Variants in KLF13 observed in about 807,000 individuals in gnomAD.
The protein encoded by KLF13 is KLF transcription factor 13, also known as Krueppel-like factor 13.
A neutral mutation model predicts 16.7 loss-of-function variants in KLF13; 8 were observed. The ratio of observed to expected loss-of-function variants is 0.48; its 90% CI spans 0.28 to 0.87. The LOEUF is 0.87. Among genes scored for constraint, KLF13 ranks in the 40% least tolerant of loss-of-function variants. The probability of loss-of-function intolerance (pLI) is 0.10; values close to 1 mark genes in which losing one functional copy is unlikely to be tolerated. For synonymous variants in KLF13, 245 were observed against 208.4 expected, an observed-to-expected ratio of 1.18 and a Z score of -1.51; for missense variants, 447 against 452.2, an observed-to-expected ratio of 0.99 and a Z score of 0.10.
chr15:31,352,564 C>T (rs1198059985), intron 1 of KLF13, among the ~76,000 whole-genome samples: 1 of 152,190 alleles, frequency 6.6e-6, no homozygotes, highest in East Asian at 1.9e-4. Flanking sequence ...CCTCTGGCTC[C>T]TGGCCCTGTG....
At chr15:31,404,928 T>TG (rs1178842709), downstream of KLF13, among the ~76,000 whole-genome samples, 14 of 152,170 alleles carry the variant, frequency 9.2e-5, no homozygotes, top group South Asian at 2.3e-3. Context: ...GAGAGAACAG[T>TG]GGGGGGAGCT....
upstream of KLF13, among the ~76,000 whole-genome samples, chr15:31,391,560 C>CATCTGGGG (rs1396514085): frequency 6.6e-6 from 1 of 152,114 alleles, no homozygotes; most frequent in African/African-American, 2.4e-5. Context: ...CCAGGAGCCC[C>CATCTGGGG]ATCTGGGGCC....
intron 1 of KLF13, among the ~76,000 whole-genome samples, chr15:31,363,296 G>T (rs2039417131): frequency 6.6e-6 from 1 of 152,182 alleles, no homozygotes; most frequent in South Asian, 2.1e-4. Context: ...TTTTATGAAT[G>T]GGCTTTGCCC....
intron 2 of KLF13, among the ~76,000 whole-genome samples, chr15:31,395,136 C>T (rs1434424494): frequency 6.6e-6 from 1 of 152,100 alleles, no homozygotes; most frequent in Non-Finnish European, 1.5e-5. Flanking sequence ...CCCGCCACCA[C>T]GCCCGGCTAA....
downstream of KLF13, among the ~76,000 whole-genome samples, chr15:31,378,662 G>C (rs1040301647): frequency 3.9e-5 from 6 of 152,176 alleles, no homozygotes; most frequent in Admixed American, 2.6e-4. Flanking sequence ...GTAGACCAGC[G>C]CTGCATCTGG....
At chr15:31,416,670 A>G (rs1004739796) in intron 1 of KLF13, among the ~76,000 whole-genome samples, 1 of 152,352 alleles carries the variant, frequency 6.6e-6, no homozygotes, top group Middle Eastern at 3.4e-3. Context: ...CATATCAAAT[A>G]TCATACTTAA....
chr15:31,337,063 C>T (rs1183905280), intron 1 of KLF13, among the ~76,000 whole-genome samples: 3 of 152,354 alleles, frequency 2.0e-5, no homozygotes, highest in African/African-American at 7.2e-5. Context: ...TCCAGACTTA[C>T]TGCCCCGTTG....
intron 2 of KLF13, among the ~76,000 whole-genome samples, chr15:31,400,130 T>C (rs115140051): frequency 8.9e-4 from 135 of 152,346 alleles, no homozygotes; most frequent in African/African-American, 3.2e-3. Flanking sequence ...AGACGAGTCC[T>C]ACTCCTGTTC....
intron 1 of KLF13, among the ~76,000 whole-genome samples, chr15:31,364,253 A>T (rs1470255285): frequency 2.0e-5 from 3 of 152,222 alleles, no homozygotes; most frequent in Non-Finnish European, 4.4e-5. Flanking sequence ...TGCCTACTTT[A>T]AAAAATATCT....
chr15:31,354,379 A>G (rs1325977183), intron 1 of KLF13, among the ~76,000 whole-genome samples: 1 of 152,018 alleles, frequency 6.6e-6, no homozygotes, highest in Non-Finnish European at 1.5e-5. Flanking sequence ...ATAGTTTTGT[A>G]ATTTTTGTTT....
At position 31,337,067 on chromosome 15, in the gene KLF13, C is replaced by T. The variant is rs577597130; in HGVS notation, c.577+9278C>T. 2.2e-4 allele frequency among the ~76,000 whole-genome samples: 34 copies of T among 152,318 alleles called. No individual in the cohort carries two copies. The South Asian group carries it at 7.0e-3, about 32-fold the overall frequency. ...CCTATCTGCTCTCCAGACTTACTGC[C>T]CCGTTGTCCTCACCTGCATGACTGT... On this transcript the variant is annotated intron_variant, in intron 1 of 1. Coordinates refer to ENST00000307145, the MANE Select transcript of KLF13 (RefSeq NM_015995.4).
chr15:31,417,188 T>C (rs1566845283), intron 1 of KLF13, among the ~76,000 whole-genome samples: 1 of 152,078 alleles, frequency 6.6e-6, no homozygotes, highest in Non-Finnish European at 1.5e-5. Flanking sequence ...GAGAAATAAA[T>C]TTCTTTTTAA....
At chr15:31,332,888 T>C (rs2038856906) in intron 1 of KLF13, among the ~76,000 whole-genome samples, 1 of 152,176 alleles carries the variant, frequency 6.6e-6, no homozygotes, top group Non-Finnish European at 1.5e-5. Context: ...GGAACAAGCA[T>C]GGGGCCATTT....
At chr15:31,423,106 C>CGTATAT (rs1566848109) in intron 1 of KLF13, among the ~76,000 whole-genome samples, 1 of 54,148 alleles carries the variant, frequency 1.8e-5, no homozygotes, top group African/African-American at 1.1e-4. Context: ...TATACGTATA[C>CGTATAT]GTATACGTAT....
chr15:31,422,517 C>A, intron 1 of KLF13, among the ~76,000 whole-genome samples: 1 of 13,366 alleles, frequency 7.5e-5, no homozygotes, highest in East Asian at 0.033. Context: ...CAAATTACCT[C>A]CACCTACCCT....
chr15:31,342,065 T>C (rs1328552539), intron 1 of KLF13, among the ~76,000 whole-genome samples: 1 of 152,118 alleles, frequency 6.6e-6, no homozygotes, highest in Admixed American at 6.5e-5. Context: ...CTGGCTAGAC[T>C]CTTTAATTAG....
chr15:31,345,957 G>A (rs1187094695), intron 1 of KLF13, among the ~76,000 whole-genome samples: 1 of 152,106 alleles, frequency 6.6e-6, no homozygotes, highest in Non-Finnish European at 1.5e-5. Flanking sequence ...GGGGGTTCTG[G>A]TTCTAGAGGA....
At chr15:31,357,392 G>A (rs1277447309) in intron 1 of KLF13, among the ~76,000 whole-genome samples, 1 of 152,232 alleles carries the variant, frequency 6.6e-6, no homozygotes, top group Non-Finnish European at 1.5e-5. Flanking sequence ...CTTGATGTCT[G>A]GTGACACGGC....
At chr15:31,433,863 C>G (rs965599171) in intron 1 of KLF13, among the ~76,000 whole-genome samples, 3 of 152,246 alleles carry the variant, frequency 2.0e-5, no homozygotes, top group Non-Finnish European at 2.9e-5. Flanking sequence ...CACAGCCGCT[C>G]TTGCCCCTCC....
Sources: gnomAD v4.1 joint callset for allele counts (sites outside exome capture counted in the v4.1 genomes callset) on GRCh38, gnomAD v4.1.1 for gene constraint, MANE v1.5 for transcripts, NCBI Gene and HGNC (gene_info 2026-07-23, HGNC 2026-07-21) for gene names.